CNTN4: variants seen among roughly 807,000 people sequenced by gnomAD.
CNTN4 encodes the protein contactin 4.
Under a neutral mutation model 122.5 loss-of-function variants are expected in CNTN4, and 77 were observed. The ratio of observed to expected loss-of-function variants is 0.63; its 90% CI spans 0.52 to 0.76. The LOEUF (loss-of-function observed/expected upper bound fraction) is 0.76. Among genes scored for constraint, CNTN4 ranks in the 30% least tolerant of loss-of-function variants. The probability of loss-of-function intolerance (pLI) is 0.00; values close to 1 mark genes in which losing one functional copy is unlikely to be tolerated. For synonymous variants in CNTN4, 512 were observed against 447.0 expected (o/e 1.15, Z -1.83); for missense variants, 1,256 against 1,259.1 (o/e 1.00, Z 0.04).
chr3:2,631,640 T>TA (rs1299296617), intron 4 of CNTN4, among the ~76,000 whole-genome samples: 1 of 151,810 alleles, frequency 6.6e-6, no homozygotes, highest in African/African-American at 2.4e-5. Flanking sequence ...TTTTTTTTTT[T>TA]AATTTGAAGA....
chr3:2,727,315 T>C (rs1242629337), intron 4 of CNTN4, among the ~76,000 whole-genome samples: 2 of 152,244 alleles, frequency 1.3e-5, no homozygotes, highest in African/African-American at 4.8e-5. Context: ...CAGCAAAGCA[T>C]ATGAATATTC....
intron 6 of CNTN4, among the ~76,000 whole-genome samples, chr3:2,771,191 C>T (rs533067662): frequency 1.2e-4 from 19 of 152,072 alleles, no homozygotes; most frequent in Admixed American, 3.9e-4. Context: ...ACCTCTCCCC[C>T]GAGGATGGAA....
chr3:2,909,659 T>G (rs1441863284), intron 12 of CNTN4, among the ~76,000 whole-genome samples: 5 of 152,176 alleles, frequency 3.3e-5, no homozygotes, highest in Admixed American at 6.5e-5. Context: ...CAACAGAATT[T>G]GAGAACTATT....
intron 8 of CNTN4, among the ~76,000 whole-genome samples, chr3:2,876,886 G>A (rs963225253): frequency 1.3e-5 from 2 of 152,134 alleles, no homozygotes; most frequent in Non-Finnish European, 2.9e-5. Flanking sequence ...AATGTTAGGT[G>A]GAACTTCTTG....
chr3:2,401,635 G>A (rs1575556793), intron 3 of CNTN4, among the ~76,000 whole-genome samples: 1 of 152,092 alleles, frequency 6.6e-6, no homozygotes, highest in South Asian at 2.1e-4. Context: ...GACTAGAGAG[G>A]CAAACAAGAA....
intron 8 of CNTN4, among the ~76,000 whole-genome samples, chr3:2,878,373 A>G (rs1252820042): frequency 1.3e-5 from 2 of 152,240 alleles, no homozygotes; most frequent in African/African-American, 2.4e-5. Context: ...CTTAATGGCT[A>G]TTATATATCA....
chr3:2,223,962 G>A (rs1193539014), intron 2 of CNTN4, among the ~76,000 whole-genome samples: 1 of 152,260 alleles, frequency 6.6e-6, no homozygotes, highest in East Asian at 1.9e-4. Context: ...TTCTTGGGGG[G>A]CAGGTAGGTG....
chr3:2,217,158 A>G (rs931651469), intron 2 of CNTN4, among the ~76,000 whole-genome samples: 8 of 152,078 alleles, frequency 5.3e-5, no homozygotes, highest in African/African-American at 1.7e-4. Flanking sequence ...CGGGACTTTG[A>G]TTGATGCTCC....
intron 23 of CNTN4, among the ~76,000 whole-genome samples, chr3:3,049,722 T>C (rs974305029): frequency 6.6e-6 from 1 of 152,210 alleles, no homozygotes; most frequent in African/African-American, 2.4e-5. Context: ...GAGATTTCAG[T>C]TGGGCCTTGG....
intron 4 of CNTN4, among the ~76,000 whole-genome samples, chr3:2,705,657 TTA>T (rs1339311214): frequency 5.7e-4 from 49 of 86,284 alleles, no homozygotes; most frequent in Admixed American, 8.3e-4. Flanking sequence ...AAAAAGTATA[TTA>T]TATATATTTA....
chr3:2,292,563 C>G (rs1261137288), intron 2 of CNTN4, among the ~76,000 whole-genome samples: 2 of 152,098 alleles, frequency 1.3e-5, no homozygotes, highest in Non-Finnish European at 2.9e-5. Flanking sequence ...TCTTTTATGT[C>G]CCTTTTAGGT....
chr3:2,708,091 G>C (rs1421916459), intron 4 of CNTN4, among the ~76,000 whole-genome samples: 1 of 152,052 alleles, frequency 6.6e-6, no homozygotes, highest in Non-Finnish European at 1.5e-5. Flanking sequence ...TTAACCAATT[G>C]CCTTCAGGGT....
intron 4 of CNTN4, among the ~76,000 whole-genome samples, chr3:2,643,837 G>A (rs2083002587): frequency 6.6e-6 from 1 of 152,058 alleles, no homozygotes; most frequent in Non-Finnish European, 1.5e-5. Flanking sequence ...GAGGTCACAG[G>A]CACCCTATAT....
intron 4 of CNTN4, among the ~76,000 whole-genome samples, chr3:2,697,394 G>C (rs891126048): frequency 6.6e-6 from 1 of 152,108 alleles, no homozygotes; most frequent in Non-Finnish European, 1.5e-5. Flanking sequence ...ATCCGTCTCT[G>C]TCTCCCAGAC....
intron 2 of CNTN4, among the ~76,000 whole-genome samples, chr3:2,245,607 T>C (rs73019070): frequency 8.1e-4 from 124 of 152,150 alleles, no homozygotes; most frequent in South Asian, 2.5e-3. Context: ...GTAACGTACA[T>C]TGAGTTTTAG....
intron 3 of CNTN4, among the ~76,000 whole-genome samples, chr3:2,465,503 C>T (rs1212020302): frequency 6.6e-6 from 1 of 151,878 alleles, no homozygotes; most frequent in Non-Finnish European, 1.5e-5. Context: ...ACGGTGAAAC[C>T]CCGTCTCTCC....
rs566532011 is a variant in CNTN4 at position 2,401,441 on chromosome 3, T to C, written c.-89+62208T>C. Among the ~76,000 whole-genome samples, 12 of 152,268 alleles carry C rather than the reference T, an allele frequency of 7.9e-5. No homozygotes were observed. The East Asian group carries it at 1.9e-3, about 24-fold the overall frequency. On this transcript the variant is annotated intron_variant, in intron 3 of 24. Coordinates refer to ENST00000418658, the MANE Select transcript of CNTN4 (RefSeq NM_175607.3). Reference sequence around the variant, plus strand: ...TGTAGATAATGTAGCTAGTGGCTATTTTGGAGCATCAGTCTAGAAGTTAAG... The same window carrying C: ...TGTAGATAATGTAGCTAGTGGCTATCTTGGAGCATCAGTCTAGAAGTTAAG...
At position 2,340,710 on chromosome 3, in the gene CNTN4, T is replaced by TATATATATATAGAGAGAGAGAGAGAG; in HGVS notation, c.-89+1478_-89+1479insTATATATATAGAGAGAGAGAGAGAGA. Reference sequence around the variant, plus strand: ...TTATATATATATATATATATATATATAGAGAGAGAGAGAGAGAGAGAGAGA... The same window carrying TATATATATATAGAGAGAGAGAGAGAG: ...TTATATATATATATATATATATATATATATATATATAGAGAGAGAGAGAGAGAGAGAGAGAGAGAGAGAGAGAGAGA... On this transcript the variant is annotated intron_variant, in intron 3 of 24. Coordinates refer to ENST00000418658, the MANE Select transcript of CNTN4 (RefSeq NM_175607.3). Among the ~76,000 whole-genome samples, 29 of 18,294 alleles carry TATATATATATAGAGAGAGAGAGAGAG rather than the reference T, an allele frequency of 1.6e-3. No individual in the cohort carries two copies. In the East Asian group the frequency reaches 0.02, roughly 12 times the overall value. The allele number at this position is 18,294 out of a possible 152,430, so 12.0% of individuals were successfully genotyped here.
intron 2 of CNTN4, among the ~76,000 whole-genome samples, chr3:2,197,171 G>T (rs1412255324): frequency 1.3e-5 from 2 of 151,966 alleles, no homozygotes; most frequent in Non-Finnish European, 2.9e-5. Flanking sequence ...TTACAATTTG[G>T]CATCACTTCC....
Sources: allele counts gnomAD v4.1 joint callset (sites outside exome capture counted in the v4.1 genomes callset), GRCh38; gene constraint gnomAD v4.1.1; transcripts MANE v1.5; gene names NCBI Gene and HGNC (gene_info 2026-07-23, HGNC 2026-07-21).